PRC1: variants seen among roughly 807,000 people sequenced by gnomAD.
The protein encoded by PRC1 is anaphase spindle elongation 1 homolog.
Under a neutral mutation model 91.2 loss-of-function variants are expected in PRC1, and 54 were observed. The observed-to-expected ratio is 0.59, with a 90% confidence interval of 0.48 to 0.74. The LOEUF is 0.74. PRC1 is among the 30% of genes least tolerant of loss of function. The probability of loss-of-function intolerance (pLI) is 0.00; values close to 1 mark genes in which losing one functional copy is unlikely to be tolerated. For synonymous variants in PRC1, 275 were observed against 263.6 expected, an observed-to-expected ratio of 1.04 and a Z score of -0.42; for missense variants, 727 against 746.2, an observed-to-expected ratio of 0.97 and a Z score of 0.30.
chr15:90,980,801 T>C, intron 6 of PRC1, 83 bp downstream of exon 6: 1 of 1,578,888 alleles, frequency 6.3e-7, no homozygotes, highest in Non-Finnish European at 8.6e-7. Flanking sequence ...CCACTGAGCC[T>C]GGCCAAATCA....
chr15:90,970,364 G>T, intron 12 of PRC1, 40 bp downstream of exon 12: 2 of 1,437,308 alleles, frequency 1.4e-6, no homozygotes, highest in South Asian at 2.3e-5. Flanking sequence ...ACAGGCTAGG[G>T]ACGCATGTGA....
At position 90,980,884 on chromosome 15, in the gene PRC1, C is replaced by A. The variant is rs375542624; in HGVS notation, c.822G>T (p.Ala274=). ...ACCCAGTACCCACTGGGTTTCTTAC[C>A]GCTTTCCGGACCTTGGCCTTTGACC... ...MSGSKAKVRK[A]LQLEVDRLEE... The change falls in exon 6 of 15, where the codon GCG becomes GCT. Residue 274 remains alanine, a splice_region_variant and synonymous_variant. Transcript: ENST00000394249. The A allele has an allele frequency of 1.9e-6, 3 of 1,614,160 alleles. No homozygotes were observed. The highest frequency in any genetic ancestry group is 1.7e-6 in the Non-Finnish European group (2 of 1,180,034).
rs766016922 is a variant in PRC1 at position 90,981,894 on chromosome 15, G to T, written c.355C>A (p.Gln119Lys). Residue 119 changes from glutamine (Q) to lysine (K), a missense_variant, in exon 4 of 15, where the codon CAG becomes AAG. Physicochemically the swap from Gln to Lys is moderately conservative, Grantham distance 53. Coordinates refer to ENST00000394249, the MANE Select transcript of PRC1 (RefSeq NM_003981.4). ...LMRKQKKERK[Q>K]ELKLLQEQDQ... ...TGCTCTTGAAGTAGCTTCAGTTCCT[G>T]TTTTCTCTCCTTTTTCTGTTTTCGC... is the stretch of plus-strand genomic sequence containing the variant. 5 of 1,614,064 alleles carry T rather than the reference G, an allele frequency of 3.1e-6. No individual in the cohort carries two copies. The highest frequency in any genetic ancestry group is 4.2e-6 in the Non-Finnish European group (5 of 1,180,040).
chr15:90,967,254 C>A, intron 14 of PRC1, 52 bp from the exon 15 acceptor site: 1 of 1,475,640 alleles, frequency 6.8e-7, no homozygotes, highest in Non-Finnish European at 9.5e-7. Flanking sequence ...TTACACATGG[C>A]CCACCCTTCT....
At chr15:90,978,779 G>A (rs1331878971) in intron 8 of PRC1, among the ~76,000 whole-genome samples, 37 of 69,500 alleles carry the variant, frequency 5.3e-4, no homozygotes, top group East Asian at 1.5e-3. Context: ...AAAAAAAAAA[G>A]TGCCATCAGG....
rs1286019542 is a variant in PRC1, at chr15:90,976,930, A to AACCT, written c.1108-160_1108-159insAGGT. On this transcript the variant is annotated intron_variant, in intron 8 of 14. Transcript: ENST00000394249. The stretch of plus-strand genomic sequence containing the variant: ...TGGATCACCTGAGGTCGACAGTTCC[A>AACCT]GACCAACCTGGCCAACATGGCGAAA... Among the ~76,000 whole-genome samples the AACCT allele has an allele frequency of 1.3e-4, 20 of 151,790 alleles. No homozygotes were observed. The East Asian group carries it at 2.5e-3, about 19-fold the overall frequency.
At chr15:90,976,527 G>A (rs2038717397) in intron 9 of PRC1, 149 bp downstream of exon 9, 2 of 616,658 alleles carry the variant, frequency 3.2e-6, no homozygotes, top group Non-Finnish European at 5.5e-6. Context: ...ACCTTGATAT[G>A]GAGTTGCTTA....
chr15:90,973,626 G>GTTC (rs956928902), intron 11 of PRC1, among the ~76,000 whole-genome samples: 7 of 152,212 alleles, frequency 4.6e-5, no homozygotes, highest in Admixed American at 2.0e-4. Context: ...ACCTATGTTC[G>GTTC]TTCTATTCTT....
chr15:90,973,831 C>T (rs919025141), intron 11 of PRC1, among the ~76,000 whole-genome samples: 1 of 152,072 alleles, frequency 6.6e-6, no homozygotes, highest in African/African-American at 2.4e-5. Context: ...TGCTGACCTT[C>T]TCCCCACTAT....
intron 9 of PRC1, among the ~76,000 whole-genome samples, chr15:90,975,517 CA>C (rs1193548436): frequency 6.6e-6 from 1 of 151,416 alleles, no homozygotes; most frequent in Non-Finnish European, 1.5e-5. Flanking sequence ...TGACTTAACT[CA>C]AAAAATGGTA....
At chr15:90,987,257 C>A (rs2039652772) in intron 1 of PRC1, among the ~76,000 whole-genome samples, 2 of 152,038 alleles carry the variant, frequency 1.3e-5, no homozygotes, top group South Asian at 4.2e-4. Flanking sequence ...AAGCAACACC[C>A]TATCTCAAAA....
chr15:90,991,667 T>C (rs2039989841), intron 1 of PRC1, among the ~76,000 whole-genome samples: 2 of 151,966 alleles, frequency 1.3e-5, no homozygotes. Context: ...CTTTCTTATA[T>C]GCCCGCCATT....
At chr15:90,980,106 CT>C in intron 7 of PRC1, 135 bp downstream of exon 7, 1 of 1,075,728 alleles carries the variant, frequency 9.3e-7, no homozygotes, top group African/African-American at 1.6e-5. Context: ...CCACTTTTGG[CT>C]GGGTGTGGTG....
In PRC1 at chr15:90,981,488, GA is replaced by G. The variant is rs768720927; in HGVS notation, c.672+10del. ...ACGGAGATCCTAGGGCATAATTTGA[GA>G]AGACAGTACCTGCCGTAGCAACTTT... On this transcript the variant is annotated intron_variant, in intron 5 of 14. Coordinates refer to ENST00000394249, the MANE Select transcript of PRC1 (RefSeq NM_003981.4). 3 of 1,613,472 alleles carry G rather than the reference GA, an allele frequency of 1.9e-6. No homozygotes were observed. Among genetic ancestry groups the G allele is most frequent in the African/African-American group, 2.7e-5 (2 of 75,018 alleles).
At position 90,974,172 on chromosome 15, in the gene PRC1, T is replaced by C. The variant is rs376941862; in HGVS notation, c.1425A>G (p.Arg475=). ...TGCCCGGTGTATTGGGAGCCAGTCC[T>C]CGCCGCTTGCTAGGTGTTCGAGGAG... ...GSAPRTPSKR[R]GLAPNTPGKA... Residue 475 remains arginine, a synonymous_variant, in exon 11 of 15, where the codon CGA becomes CGG. Transcript: ENST00000394249. The surrounding 1 kb of genome is among the most constrained non-coding windows in gnomAD (Gnocchi z 4.6). 6.2e-7 allele frequency: 1 copy of C among 1,614,104 alleles called. No individual in the cohort carries two copies. Among genetic ancestry groups the C allele is most frequent in the African/African-American group, 1.3e-5 (1 of 74,932 alleles).
At position 90,969,507 on chromosome 15, in the gene PRC1, C is replaced by A; in HGVS notation, c.1689G>T (p.Ser563=). 7.4e-6 allele frequency: 12 copies of A among 1,612,788 alleles called. No individual in the cohort carries two copies. Among genetic ancestry groups the A allele is most frequent in the Non-Finnish European group, 1.0e-5 (12 of 1,179,250 alleles). ...TGCTGAAGTTGCGCTGGAGGGGGGCCGAGCCAGGGTACCCACCACTCAGGA... is the reference window on the plus strand; with the variant it reads ...TGCTGAAGTTGCGCTGGAGGGGGGCAGAGCCAGGGTACCCACCACTCAGGA... ...GSILSGGYPG[S]APLQRNFSIN... Residue 563 remains serine (S), a synonymous_variant, in exon 13 of 15, where the codon TCG becomes TCT. Coordinates refer to ENST00000394249, the MANE Select transcript of PRC1 (RefSeq NM_003981.4).
rs536965009 is a variant in PRC1 at position 90,981,169 on chromosome 15, C to T, written c.673-136G>A. ...AGTTCAAAGTAGCATGTTTTCATGC[C>T]TCCTAAACACGAGCTGTAAGGCTGT... On this transcript the variant is annotated intron_variant, in intron 5 of 14. Transcript: ENST00000394249. The T allele has an allele frequency of 7.0e-6, 8 of 1,147,210 alleles. No individual in the cohort carries two copies. In the African/African-American group the frequency reaches 9.3e-5, roughly 13 times the overall value. 71.1% of individuals were successfully genotyped at this position (1,147,210 alleles called of 1,614,324 possible). A position where few individuals can be genotyped will look rare whatever the true frequency, so the allele number is the denominator to read the frequency against.
intron 3 of PRC1, among the ~76,000 whole-genome samples, chr15:90,983,173 G>C (rs113939502): frequency 2.0e-5 from 3 of 152,202 alleles, no homozygotes; most frequent in African/African-American, 7.2e-5. Flanking sequence ...GTTCTCTTCT[G>C]CCTGATTGCT....
rs7163040 is a variant in PRC1 at position 90,974,464 on chromosome 15, C to T, written c.1350+121G>A. ...CCACAAGCCCCGGTCCCCGGCTTCCCGTTCCACAAGCCCCGGTCCCCGGCT... is the reference window on the plus strand; with the variant it reads ...CCACAAGCCCCGGTCCCCGGCTTCCTGTTCCACAAGCCCCGGTCCCCGGCT... On this transcript the variant is annotated intron_variant, in intron 10 of 14. Transcript: ENST00000394249. The surrounding 1 kb of genome is among the most constrained non-coding windows in gnomAD (Gnocchi z 4.6). 4.6e-4 allele frequency: 653 copies of T among 1,419,022 alleles called. 2 individuals carry two copies. The Middle Eastern group carries it at 5.3e-3, about 12-fold the overall frequency. 87.9% of individuals were successfully genotyped at this position (1,419,022 alleles called of 1,614,324 possible).
Sources: gnomAD v4.1 joint callset for allele counts (sites outside exome capture counted in the v4.1 genomes callset) on GRCh38, gnomAD v4.1.1 for gene constraint, Gnocchi (gnomAD v3.1) non-coding constraint, MANE v1.5 for transcripts, NCBI Gene and HGNC (gene_info 2026-07-23, HGNC 2026-07-21) for gene names.